The following RFX7 variants were observed in gnomAD, a reference collection of about 807,000 sequenced individuals.
RFX7 encodes the protein regulatory factor X7, also known as DNA-binding protein RFX7.
In RFX7, 26 loss-of-function variants were observed where a neutral mutation model predicts 111.8. The observed-to-expected ratio is 0.23, with a 90% CI of 0.17 to 0.32. RFX7 has a LOEUF of 0.32. Among genes scored for constraint, RFX7 ranks in the 10% least tolerant of loss-of-function variants. The pLI, the probability that RFX7 is intolerant of heterozygous loss-of-function variation, is 1.00. For synonymous variants in RFX7, 624 were observed against 624.4 expected (o/e 1.00, Z 0.01); for missense variants, 1,573 against 1,772.9 (o/e 0.89, Z 2.02).
chr15:56,213,675 C>T (rs1177704536), intron 2 of RFX7, among the ~76,000 whole-genome samples: 1 of 152,148 alleles, frequency 6.6e-6, no homozygotes, highest in African/African-American at 2.4e-5. Flanking sequence ...CACTGGGGGA[C>T]TGGGTAATAA....
chr15:56,170,602 T>G (rs1268581366), intron 3 of RFX7, among the ~76,000 whole-genome samples: 1 of 152,098 alleles, frequency 6.6e-6, no homozygotes, highest in Admixed American at 6.5e-5. Flanking sequence ...GAAGCACTGT[T>G]CGAGATCTCT....
chr15:56,195,798 C>G (rs1412478571), intron 2 of RFX7, among the ~76,000 whole-genome samples: 1 of 152,170 alleles, frequency 6.6e-6, no homozygotes, highest in Non-Finnish European at 1.5e-5. Context: ...TTGAGAGCCA[C>G]TGCTCTAGAA....
At chr15:56,231,772 C>T (rs552949274) in intron 2 of RFX7, among the ~76,000 whole-genome samples, 17 of 152,274 alleles carry the variant, frequency 1.1e-4, no homozygotes, top group African/African-American at 4.1e-4. Context: ...ATCCCTTCCA[C>T]CTATGAGCCT....
Position 56,093,276 on chromosome 15 carries a change from C to T in RFX7, c.*69G>A, listed in dbSNP as rs1252545500. ...TTAATAGTATTTCTGCTGCGGGAGG[C>T]ACTTCCATTAAGACAAATACAATAC... On this transcript the variant is annotated 3_prime_UTR_variant, in exon 10 of 10. Coordinates refer to ENST00000559447, the MANE Select transcript of RFX7 (RefSeq NM_022841.7). 2 of 1,296,466 alleles carry T rather than the reference C, an allele frequency of 1.5e-6. No individual in the cohort carries two copies. The highest frequency in any genetic ancestry group is 2.1e-6 in the Non-Finnish European group (2 of 958,870). The allele number at this position is 1,296,466 out of a possible 1,614,324, so 80.3% of individuals were successfully genotyped here.
chr15:56,133,544 C>T (rs2042246431), intron 5 of RFX7, among the ~76,000 whole-genome samples: 1 of 152,034 alleles, frequency 6.6e-6, no homozygotes. Flanking sequence ...TAAACTGATC[C>T]TGTTAAGTTT....
rs1314789751 is a variant in RFX7, at chr15:56,098,416, C to T, written c.812-40G>A. Reference sequence around the variant, plus strand: ...AAAGGAAAGCTGCAATAAATACTCTCCTTTATAGAAGGGAGGTTCCTTTGA... The same window carrying T: ...AAAGGAAAGCTGCAATAAATACTCTTCTTTATAGAAGGGAGGTTCCTTTGA... On this transcript the variant is annotated intron_variant, in intron 8 of 9. Transcript: ENST00000559447. The T allele has an allele frequency of 3.3e-6, 5 of 1,526,380 alleles. No individual in the cohort carries two copies. The African/African-American group carries it at 7.0e-5, about 21-fold the overall frequency. 94.6% of individuals were successfully genotyped at this position (1,526,380 alleles called of 1,614,324 possible).
At chr15:56,231,945 C>A (rs1239825394) in intron 2 of RFX7, among the ~76,000 whole-genome samples, 1 of 152,242 alleles carries the variant, frequency 6.6e-6, no homozygotes, top group African/African-American at 2.4e-5. Flanking sequence ...CCAAAATGAT[C>A]TCCTTTGACT....
Position 56,243,253 on chromosome 15 carries a change from C to A in RFX7, c.33G>T (p.Gln11His). The A allele has an allele frequency of 1.6e-6, 2 of 1,281,296 alleles. No homozygotes were observed. Among genetic ancestry groups the A allele is most frequent in the Non-Finnish European group, 2.0e-6 (2 of 981,666 alleles). The allele number at this position is 1,281,296 out of a possible 1,614,324, so 79.4% of individuals were successfully genotyped here. A position where few individuals can be genotyped will look rare whatever the true frequency, so the allele number is the denominator to read the frequency against. The change falls in exon 2 of 10, where the codon CAG (glutamine) becomes CAT (histidine). Residue 11 changes from glutamine (Q) to histidine (H), a missense_variant. Gln to His is a conservative substitution (Grantham distance 24). Around this residue, in one of 7 missense-constraint regions of RFX7, gnomAD observed 191 missense variants for 194.2 expected, o/e 0.98. Transcript: ENST00000559447. MAEEQQQPPP[Q>H]QPDAHQQLPP... ...GAAGCTGCTGATGGGCATCAGGCTG[C>A]TGTGGTGGCGGCTGTTGTTGTTCCT...
intron 2 of RFX7, among the ~76,000 whole-genome samples, chr15:56,231,841 T>C (rs908744124): frequency 6.6e-6 from 1 of 152,148 alleles, no homozygotes; most frequent in Non-Finnish European, 1.5e-5. Flanking sequence ...ATTGGATAAA[T>C]ACTACCATTC....
intron 5 of RFX7, among the ~76,000 whole-genome samples, chr15:56,106,323 A>ATATT (rs1305083559): frequency 6.6e-6 from 1 of 152,236 alleles, no homozygotes; most frequent in African/African-American, 2.4e-5. Flanking sequence ...TGGTGGATAA[A>ATATT]TATTAAAAGT....
intron 5 of RFX7, among the ~76,000 whole-genome samples, chr15:56,120,201 T>C (rs7180758): frequency 0.037 from 5,642 of 152,284 alleles, 368 homozygotes; most frequent in African/African-American, 0.13. Context: ...TAGTTTTCAC[T>C]GTAGACATCT....
chr15:56,141,656 A>AATACATATATATATATATAT (rs1555421060), intron 5 of RFX7, among the ~76,000 whole-genome samples: 1 of 83,208 alleles, frequency 1.2e-5, no homozygotes, highest in Admixed American at 1.3e-4. Context: ...GCTTACTCTA[A>AATACATATATATATATATAT]ATATATATAT....
At chr15:56,098,544 T>C (rs1442742771) in intron 8 of RFX7, among the ~76,000 whole-genome samples, 168 bp from the exon 9 acceptor site, 1 of 152,260 alleles carries the variant, frequency 6.6e-6, no homozygotes, top group East Asian at 1.9e-4. Flanking sequence ...TTATAAACAA[T>C]TGTCAATATA....
intron 8 of RFX7, among the ~76,000 whole-genome samples, chr15:56,098,997 G>A (rs1383859243): frequency 2.0e-5 from 3 of 151,970 alleles, no homozygotes; most frequent in African/African-American, 7.3e-5. Flanking sequence ...CAAGACTAAA[G>A]TTAAGATATT....
rs1257911833 is a variant in RFX7, at chr15:56,114,424, A to AC, written c.402-10755_402-10754insG. ...AGATTCTGTCTCCAAAAAAAAAAAA[A>AC]AAACAAACAACAACAACAAAAAAAC... On this transcript the variant is annotated intron_variant, in intron 5 of 9. Coordinates refer to ENST00000559447, the MANE Select transcript of RFX7 (RefSeq NM_022841.7). 4.0e-5 allele frequency among the ~76,000 whole-genome samples: 6 copies of AC among 151,152 alleles called. No homozygotes were observed. The East Asian group carries it at 5.8e-4, about 15-fold the overall frequency.
At chr15:56,172,386 T>C (rs1595985352) in intron 3 of RFX7, among the ~76,000 whole-genome samples, 1 of 152,216 alleles carries the variant, frequency 6.6e-6, no homozygotes, top group East Asian at 1.9e-4. Context: ...TTTTTAAATA[T>C]GGGGGTAAAA....
At chr15:56,131,271 C>CTTTTTTTTTTTTTTTTTTTTTTTT (rs140251962) in intron 5 of RFX7, among the ~76,000 whole-genome samples, 1 of 74,016 alleles carries the variant, frequency 1.4e-5, no homozygotes, top group Non-Finnish European at 2.7e-5. Context: ...TATTAGGTAT[C>CTTTTTTTTTTTTTTTTTTTTTTTT]TTTTTTTTTT....
intron 5 of RFX7, among the ~76,000 whole-genome samples, chr15:56,138,673 T>G (rs1395588882): frequency 2.6e-4 from 40 of 152,308 alleles, no homozygotes; most frequent in Middle Eastern, 3.4e-3. Flanking sequence ...GTTAGCTGGT[T>G]GTTTTGCCCG....
At chr15:56,236,147 G>T (rs545772453) in intron 2 of RFX7, among the ~76,000 whole-genome samples, 1 of 152,242 alleles carries the variant, frequency 6.6e-6, no homozygotes, top group African/African-American at 2.4e-5. Context: ...TAGAGAGGTT[G>T]TACATAATTA....
Sources: gnomAD v4.1 joint callset for allele counts (sites outside exome capture counted in the v4.1 genomes callset) on GRCh38, gnomAD v4.1.1 for gene constraint, gnomAD v4.1.1 regional missense constraint, MANE v1.5 for transcripts, NCBI Gene and HGNC (gene_info 2026-07-23, HGNC 2026-07-21) for gene names.